The following MYH13 variants were observed in gnomAD, a reference collection of about 807,000 sequenced individuals.
The protein encoded by MYH13 is myosin heavy chain 13.
Under a neutral mutation model 232.1 loss-of-function variants are expected in MYH13, and 177 were observed. The observed-to-expected ratio is 0.76, with a 90% confidence interval of 0.67 to 0.86. MYH13 has a LOEUF of 0.86. MYH13 is among the 40% of genes least tolerant of loss of function. The pLI is 0.00. For synonymous variants in MYH13, 884 were observed against 923.5 expected (o/e 0.96, Z 0.78); for missense variants, 2,246 against 2,405.9 (o/e 0.93, Z 1.39).
chr17:10,326,180 A>G (rs1907191607), intron 22 of MYH13, among the ~76,000 whole-genome samples: 1 of 152,176 alleles, frequency 6.6e-6, no homozygotes, highest in African/African-American at 2.4e-5. Context: ...CAGAAGCACA[A>G]AGAGGATATG....
chr17:10,310,994 T>C, intron 33 of MYH13, 109 bp downstream of exon 33: 1 of 1,374,594 alleles, frequency 7.3e-7, no homozygotes, highest in South Asian at 1.4e-5. Flanking sequence ...TTACTCCCAA[T>C]GGAGACTCAG....
At chr17:10,303,840 C>T (rs751150521) in intron 37 of MYH13, among the ~76,000 whole-genome samples, 8 of 152,218 alleles carry the variant, frequency 5.3e-5, no homozygotes, top group Admixed American at 2.0e-4. Flanking sequence ...ACTGAGGCAC[C>T]GTTCACAATA....
intron 2 of MYH13, among the ~76,000 whole-genome samples, chr17:10,367,889 A>G (rs2071849248): frequency 6.6e-6 from 1 of 152,186 alleles, no homozygotes; most frequent in African/African-American, 2.4e-5. Context: ...AATAATTGTG[A>G]ATTTTCTTCT....
At position 10,306,720 on chromosome 17, in the gene MYH13, G is replaced by A. The variant is rs1906299841; in HGVS notation, c.5296-91C>T. 1 of 1,567,210 alleles carries A rather than the reference G, an allele frequency of 6.4e-7. No individual in the cohort carries two copies. The highest frequency in any genetic ancestry group is 1.4e-5 in the African/African-American group (1 of 73,634). On this transcript the variant is annotated intron_variant, in intron 36 of 40. Transcript: ENST00000252172. This position sits in a 1 kb window ranked among gnomAD's most constrained non-coding sequence, Gnocchi z 4.3. ...AGGCGAAGGCTGGGATCATGGTGCT[G>A]AGCCTCCCCTGTCTGACTGGGGCCA...
At chr17:10,301,472 T>C in intron 40 of MYH13, 97 bp downstream of exon 40, 6 of 1,557,862 alleles carry the variant, frequency 3.9e-6, no homozygotes, top group Non-Finnish European at 4.4e-6. Flanking sequence ...TACCTGCCCT[T>C]ATCTGGCCTC....
At position 10,333,017 on chromosome 17, in the gene MYH13, G is replaced by A. The variant is rs1907461848; in HGVS notation, c.2174+57C>T. Reference sequence around the variant, plus strand: ...ATACCCAGGTCAAGAAATGTCTTAGGGAAATGCAAAAGGTGCCCTCGGAAG... The same window carrying A: ...ATACCCAGGTCAAGAAATGTCTTAGAGAAATGCAAAAGGTGCCCTCGGAAG... On this transcript the variant is annotated intron_variant, in intron 19 of 40. Coordinates refer to ENST00000252172, the MANE Select transcript of MYH13 (RefSeq NM_003802.3). 5.2e-6 allele frequency: 7 copies of A among 1,356,050 alleles called. No homozygotes were observed. The South Asian group carries it at 8.8e-5, about 17-fold the overall frequency. 84.0% of individuals were successfully genotyped at this position (1,356,050 alleles called of 1,614,324 possible).
In MYH13 at chr17:10,303,238, C is replaced by T. The variant is rs1316423747; in HGVS notation, c.5625G>A (p.Leu1875=). 6.2e-7 allele frequency: 1 copy of T among 1,613,900 alleles called. No homozygotes were observed. Among genetic ancestry groups the T allele is most frequent in the African/African-American group, 1.3e-5 (1 of 75,020 alleles). ...TCTTGTAAGACTTCACTTTGGCCTG[C>T]AGCTTGTCCACCAGGTCCTGGAGCC... is the stretch of plus-strand genomic sequence containing the variant. ...ILRLQDLVDK[L]QAKVKSYKRQ... Residue 1875 remains leucine (L), a synonymous_variant, in exon 39 of 41, where the codon CTG becomes CTA. Coordinates refer to ENST00000252172, the MANE Select transcript of MYH13 (RefSeq NM_003802.3).
intron 20 of MYH13, 55 bp from the exon 21 acceptor site, chr17:10,330,578 G>A: frequency 6.4e-7 from 1 of 1,551,850 alleles, no homozygotes; most frequent in South Asian, 1.2e-5. Context: ...CGTTCAGCCG[G>A]GCCCTTGAGG....
At chr17:10,346,650 A>G in intron 13 of MYH13, 30 bp downstream of exon 13, 2 of 1,540,908 alleles carry the variant, frequency 1.3e-6, no homozygotes, top group Non-Finnish European at 1.8e-6. Flanking sequence ...AAAAGATCTC[A>G]ATCAACTGGA....
chr17:10,330,068 C>T (rs1408628123), intron 21 of MYH13, among the ~76,000 whole-genome samples: 3 of 152,108 alleles, frequency 2.0e-5, no homozygotes, highest in Admixed American at 6.6e-5. Flanking sequence ...CTCCAACCCC[C>T]TAATCAGGCT....
At chr17:10,361,681 G>A (rs1325208426) in intron 5 of MYH13, among the ~76,000 whole-genome samples, 2 of 152,196 alleles carry the variant, frequency 1.3e-5, no homozygotes, top group African/African-American at 4.8e-5. Context: ...GCATGACAGT[G>A]TTACCATGTC....
In MYH13 at chr17:10,303,185, C is replaced by T. The variant is rs753497489; in HGVS notation, c.5667+11G>A. On this transcript the variant is annotated intron_variant, in intron 39 of 40. Transcript: ENST00000252172. ...TGTCTGTGGGCACTGCCGGGGACCT[C>T]CTGTGCTTACCGCCTCCTCAGCCTG... 1.9e-6 allele frequency: 3 copies of T among 1,611,892 alleles called. No homozygotes were observed. The highest frequency in any genetic ancestry group is 2.7e-5 in the African/African-American group (2 of 74,824).
chr17:10,340,425 T>C (rs770500257), intron 16 of MYH13, 24 bp from the exon 17 acceptor site: 2 of 1,589,442 alleles, frequency 1.3e-6, no homozygotes, highest in Admixed American at 3.4e-5. Flanking sequence ...CAGAAGAGCG[T>C]GTTAGATGCA....
chr17:10,327,968 G>A lies in MYH13; in HGVS notation c.2589C>T (p.Thr863=), dbSNP rs994173929. Residue 863 remains threonine, a synonymous_variant, in exon 22 of 41, where the codon ACC becomes ACT. Transcript: ENST00000252172. ...CCTCAGATCGGGCCAGTTCTTCCTT[G>A]GTCCTCTCAAAGTCTTCCTTCATGG... The part of the protein sequence containing the change: ...MATMKEDFER[T]KEELARSEAR... 1.9e-6 allele frequency: 3 copies of A among 1,613,916 alleles called. No individual in the cohort carries two copies. The highest frequency in any genetic ancestry group is 2.7e-5 in the African/African-American group (2 of 74,894).
At chr17:10,346,849 T>G in intron 12 of MYH13, 51 bp from the exon 13 acceptor site, 3 of 1,363,594 alleles carry the variant, frequency 2.2e-6, no homozygotes, top group Non-Finnish European at 3.1e-6. Context: ...GCTGCTAAAG[T>G]GTCCAGTCAG....
At position 10,343,825 on chromosome 17, in the gene MYH13, A is replaced by G; in HGVS notation, c.1869T>C (p.Phe623=). Residue 623 remains phenylalanine (F), a synonymous_variant, in exon 16 of 41, where the codon TTT becomes TTC. Coordinates refer to ENST00000252172, the MANE Select transcript of MYH13 (RefSeq NM_003802.3). ...KSSLKLLSFL[F]SNYAGAETGD... The stretch of plus-strand genomic sequence containing the variant: ...CTGTCTCTGCACCAGCATAGTTGGA[A>G]AAAAGGAAGGAGAGAAGCTTCAGCG... The G allele has an allele frequency of 1.2e-6, 2 of 1,606,174 alleles. No individual in the cohort carries two copies. The highest frequency in any genetic ancestry group is 8.5e-7 in the Non-Finnish European group (1 of 1,175,000).
intron 2 of MYH13, among the ~76,000 whole-genome samples, chr17:10,367,442 G>A (rs1013495404): frequency 6.6e-6 from 1 of 151,998 alleles, no homozygotes; most frequent in Non-Finnish European, 1.5e-5. Context: ...TCCACCTCCC[G>A]GGTTCAAGTG....
rs540570546 is a variant in MYH13, at chr17:10,343,387, G to A, written c.1894+413C>T. 1.2e-4 allele frequency among the ~76,000 whole-genome samples: 18 copies of A among 152,124 alleles called. No homozygotes were observed. The South Asian group carries it at 3.5e-3, about 30-fold the overall frequency. ...TAATTTTTGTATTTTTAGTAGAGATGGGGTTTCACCATGTTGGCCAGGCTG... is the reference window on the plus strand; with the variant it reads ...TAATTTTTGTATTTTTAGTAGAGATAGGGTTTCACCATGTTGGCCAGGCTG... On this transcript the variant is annotated intron_variant, in intron 16 of 40. Coordinates refer to ENST00000252172, the MANE Select transcript of MYH13 (RefSeq NM_003802.3).
intron 12 of MYH13, among the ~76,000 whole-genome samples, chr17:10,348,927 G>A (rs2142263015): frequency 6.6e-6 from 1 of 152,064 alleles, no homozygotes; most frequent in South Asian, 2.1e-4. Flanking sequence ...TAGCCAAAGT[G>A]GACCACTCAC....
Sources: gnomAD v4.1 joint callset for allele counts (sites outside exome capture counted in the v4.1 genomes callset) on GRCh38, gnomAD v4.1.1 for gene constraint, Gnocchi (gnomAD v3.1) non-coding constraint, MANE v1.5 for transcripts, NCBI Gene and HGNC (gene_info 2026-07-23, HGNC 2026-07-21) for gene names.